Variants in RNF182 observed in about 807,000 individuals in gnomAD.
RNF182 encodes E3 ubiquitin-protein ligase RNF182.
In RNF182, 15 loss-of-function variants were observed where a neutral mutation model predicts 14.4. The observed-to-expected ratio is 1.04, with a 90% CI of 0.70 to 1.60. The LOEUF (loss-of-function observed/expected upper bound fraction) is 1.60. Among genes scored for constraint, RNF182 ranks in the 40% most tolerant of loss-of-function variants. RNF182 has a pLI of 0.00. For synonymous variants in RNF182, 128 were observed against 122.9 expected, an observed-to-expected ratio of 1.04 and a Z score of -0.27; for missense variants, 268 against 294.8, an observed-to-expected ratio of 0.91 and a Z score of 0.67.
chr6:13,963,288 G>C (rs991059283), intron 1 of RNF182, among the ~76,000 whole-genome samples: 3 of 152,178 alleles, frequency 2.0e-5, no homozygotes, highest in Admixed American at 1.3e-4. Flanking sequence ...AGTCTTCTAG[G>C]TAGGCATGAT....
chr6:13,977,866 G>C lies in RNF182; in HGVS notation c.*3G>C. The C allele has an allele frequency of 6.3e-7, 1 of 1,598,360 alleles. No homozygotes were observed. Among genetic ancestry groups the C allele is most frequent in the Non-Finnish European group, 8.5e-7 (1 of 1,171,590 alleles). On this transcript the variant is annotated 3_prime_UTR_variant, in exon 3 of 3. Transcript: ENST00000488300. Reference sequence around the variant, plus strand: ...ACTGTATGGCACCTCCTTCTTAACTGATATGCAAAATAAGAAATTGGACAC... The same window carrying C: ...ACTGTATGGCACCTCCTTCTTAACTCATATGCAAAATAAGAAATTGGACAC...
intron 1 of RNF182, among the ~76,000 whole-genome samples, chr6:13,963,415 G>A (rs1174044770): frequency 6.6e-6 from 1 of 152,190 alleles, no homozygotes; most frequent in Non-Finnish European, 1.5e-5. Flanking sequence ...CTCAAAACTA[G>A]TGGCTGGAAA....
In RNF182 at chr6:13,940,965, A is replaced by C. The variant is rs548207330; in HGVS notation, c.-367+15942A>C. ...CATTTTAGTCTTTTTTTTTGAGACT[A>C]TTCTTATGGCCTGGATATGATCATT... is the stretch of plus-strand genomic sequence containing the variant. On this transcript the variant is annotated intron_variant, in intron 1 of 2. Coordinates refer to ENST00000488300, the MANE Select transcript of RNF182 (RefSeq NM_152737.4). Among the ~76,000 whole-genome samples the C allele has an allele frequency of 5.3e-5, 8 of 151,918 alleles. No homozygotes were observed. The South Asian group carries it at 1.7e-3, about 31-fold the overall frequency.
At chr6:13,949,643 G>A (rs770887674) in intron 1 of RNF182, 36 of 336,816 alleles carry the variant, frequency 1.1e-4, no homozygotes, top group Non-Finnish European at 1.3e-4. Flanking sequence ...AAGTTATCAT[G>A]ATCGAACAAA....
At chr6:13,968,505 A>G (rs1003123696) in intron 1 of RNF182, among the ~76,000 whole-genome samples, 2 of 152,250 alleles carry the variant, frequency 1.3e-5, no homozygotes, top group African/African-American at 4.8e-5. Context: ...ACATAATTTT[A>G]TCAGTATTTA....
At chr6:13,952,516 C>T (rs139803910) in intron 1 of RNF182, among the ~76,000 whole-genome samples, 1 of 152,216 alleles carries the variant, frequency 6.6e-6, no homozygotes, top group African/African-American at 2.4e-5. Flanking sequence ...GGTCTTTAAC[C>T]CAACTTTGTC....
chr6:13,944,816 G>A (rs945593388), intron 1 of RNF182, among the ~76,000 whole-genome samples: 3 of 152,212 alleles, frequency 2.0e-5, no homozygotes, highest in Non-Finnish European at 2.9e-5. Context: ...GATCAGTGGA[G>A]TTGGGATTCC....
At chr6:13,944,464 G>A (rs769655518) in intron 1 of RNF182, among the ~76,000 whole-genome samples, 1 of 152,122 alleles carries the variant, frequency 6.6e-6, no homozygotes, top group Admixed American at 6.5e-5. Context: ...AGTTTGTATA[G>A]GTCAAAGTGG....
At chr6:13,975,487 C>T (rs1561789747) in intron 2 of RNF182, among the ~76,000 whole-genome samples, 1 of 152,104 alleles carries the variant, frequency 6.6e-6, no homozygotes, top group African/African-American at 2.4e-5. Context: ...AAAATCCTAC[C>T]TACATTTTTG....
intron 1 of RNF182, among the ~76,000 whole-genome samples, chr6:13,956,621 G>A (rs1442612145): frequency 2.6e-5 from 4 of 152,134 alleles, no homozygotes; most frequent in East Asian, 1.9e-4. Context: ...CAATGCTCCC[G>A]GCCTGTCCTT....
intron 1 of RNF182, among the ~76,000 whole-genome samples, chr6:13,935,348 T>C (rs546517392): frequency 1.3e-5 from 2 of 152,178 alleles, no homozygotes; most frequent in Non-Finnish European, 2.9e-5. Flanking sequence ...CTGTGTTGTA[T>C]TCCCAGATGT....
intron 1 of RNF182, among the ~76,000 whole-genome samples, chr6:13,928,450 C>T (rs993493817): frequency 6.6e-6 from 1 of 152,120 alleles, no homozygotes; most frequent in African/African-American, 2.4e-5. Flanking sequence ...ATGTATGATA[C>T]CCAAATACTC....
chr6:13,929,247 C>T (rs1195482551), intron 1 of RNF182, among the ~76,000 whole-genome samples: 1 of 152,156 alleles, frequency 6.6e-6, no homozygotes, highest in East Asian at 1.9e-4. Context: ...TAAAATAAAA[C>T]TGTGTGTTTG....
chr6:13,974,415 G>A (rs369523065), intron 2 of RNF182, 51 bp downstream of exon 2: 18 of 152,212 alleles, frequency 1.2e-4, no homozygotes, highest in African/African-American at 3.1e-4. Context: ...TCCATTGCAC[G>A]TTACCAAGAA....
In RNF182 at chr6:13,977,870, T is replaced by C. The variant is rs982772007; in HGVS notation, c.*7T>C. 15 of 1,597,838 alleles carry C rather than the reference T, an allele frequency of 9.4e-6. No individual in the cohort carries two copies. The highest frequency in any genetic ancestry group is 3.4e-5 in the South Asian group (3 of 89,374). On this transcript the variant is annotated 3_prime_UTR_variant, in exon 3 of 3. Transcript: ENST00000488300. ...TATGGCACCTCCTTCTTAACTGATATGCAAAATAAGAAATTGGACACACAT... is the reference window on the plus strand; with the variant it reads ...TATGGCACCTCCTTCTTAACTGATACGCAAAATAAGAAATTGGACACACAT...
At chr6:13,960,153 G>A (rs992568272) in intron 1 of RNF182, among the ~76,000 whole-genome samples, 6 of 152,206 alleles carry the variant, frequency 3.9e-5, no homozygotes, top group Admixed American at 2.6e-4. Flanking sequence ...GTGAGACAAG[G>A]TGAAGACAGA....
Position 13,977,539 on chromosome 6 carries a change from C to T in RNF182, c.420C>T (p.Ser140=), listed in dbSNP as rs1490894973. 6 of 1,614,180 alleles carry T rather than the reference C, an allele frequency of 3.7e-6. No individual in the cohort carries two copies. In the East Asian group the frequency reaches 8.9e-5, roughly 24 times the overall value. ...VITIMEVQRE[S]SPSLSSTPVV... is the part of the protein sequence containing the mutation. ...CCATCATGGAGGTGCAGAGAGAGAG[C>T]TCCCCGTCCCTGAGCTCCACTCCTG... The change falls in exon 3 of 3, where the codon AGC becomes AGT. Residue 140 remains serine (S), a synonymous_variant. Transcript: ENST00000488300.
rs1388625307 is a variant in RNF182 at position 13,979,603 on chromosome 6, T to A, written c.*1740T>A. On this transcript the variant is annotated 3_prime_UTR_variant, in exon 3 of 3. Transcript: ENST00000488300. ...TCATAAAATCTAGTTTAGATAGCAT[T>A]GTGATGCAATTTCCAGAAATCCATT... 1 of 166,826 alleles carries A rather than the reference T, an allele frequency of 6.0e-6. No individual in the cohort carries two copies. Among genetic ancestry groups the A allele is most frequent in the Non-Finnish European group, 1.5e-5 (1 of 68,114 alleles). 10.3% of individuals were successfully genotyped at this position (166,826 alleles called of 1,614,324 possible).
chr6:13,977,256 A>G lies in RNF182; in HGVS notation c.137A>G (p.Lys46Arg), dbSNP rs1581264643. 1 of 1,614,188 alleles carries G rather than the reference A, an allele frequency of 6.2e-7. No homozygotes were observed. Among genetic ancestry groups the G allele is most frequent in the East Asian group, 2.2e-5 (1 of 44,888 alleles). Reference protein sequence around the residue: ...VLECCHRVCAKCLYKIIDFGD... With the variant: ...VLECCHRVCARCLYKIIDFGD... ...GAGTGTTGTCATAGGGTTTGTGCCA[A>G]ATGCCTCTACAAGATCATAGACTTT... The change falls in exon 3 of 3, where the codon AAA becomes AGA. Residue 46 changes from lysine to arginine, a missense_variant. Lys to Arg is a conservative substitution (Grantham distance 26). Coordinates refer to ENST00000488300, the MANE Select transcript of RNF182 (RefSeq NM_152737.4).
Sources: allele counts gnomAD v4.1 joint callset (sites outside exome capture counted in the v4.1 genomes callset), GRCh38; gene constraint gnomAD v4.1.1; transcripts MANE v1.5; gene names NCBI Gene and HGNC (gene_info 2026-07-23, HGNC 2026-07-21).